Variants in TAFA5 observed in about 807,000 individuals in gnomAD.
TAFA5 encodes TAFA chemokine like family member 5, also known as chemokine-like protein TAFA-5.
TAFA5 carries 6 observed loss-of-function variants against 15.3 expected under a neutral mutation model. The ratio of observed to expected loss-of-function variants is 0.39; its 90% CI spans 0.21 to 0.77. The LOEUF is 0.77. Among genes scored for constraint, TAFA5 ranks in the 30% least tolerant of loss-of-function variants. TAFA5 has a pLI of 0.41. For synonymous variants in TAFA5, 103 were observed against 80.7 expected (o/e 1.28, Z -1.48); for missense variants, 161 against 193.1 (o/e 0.83, Z 0.98).
intron 1 of TAFA5, among the ~76,000 whole-genome samples, chr22:48,590,322 G>A (rs1288109088): frequency 6.6e-6 from 1 of 152,248 alleles, no homozygotes; most frequent in Non-Finnish European, 1.5e-5. Context: ...ACGCACCGCT[G>A]TTGGCCTGCA....
chr22:48,737,488 C>T (rs1056417919), intron 3 of TAFA5, among the ~76,000 whole-genome samples: 21 of 152,292 alleles, frequency 1.4e-4, no homozygotes, highest in African/African-American at 4.1e-4. Context: ...CTGCAGTCGC[C>T]GAGATGCTGT....
chr22:48,588,089 G>T (rs915911418), intron 1 of TAFA5, among the ~76,000 whole-genome samples: 4 of 152,216 alleles, frequency 2.6e-5, no homozygotes, highest in African/African-American at 9.6e-5. Flanking sequence ...TGGTTTGGGG[G>T]GTTGGTCCAT....
chr22:48,515,604 C>T (rs1424217857), intron 1 of TAFA5, among the ~76,000 whole-genome samples: 1 of 152,156 alleles, frequency 6.6e-6, no homozygotes, highest in Non-Finnish European at 1.5e-5. Context: ...TCTCTTTTCA[C>T]AGTGACCCCT....
At chr22:48,524,765 C>T (rs979333812) in intron 1 of TAFA5, among the ~76,000 whole-genome samples, 2 of 152,224 alleles carry the variant, frequency 1.3e-5, no homozygotes, top group South Asian at 2.1e-4. Flanking sequence ...GGCGGCCAGA[C>T]GAGGGGTTTA....
Position 48,534,379 on chromosome 22 carries a change from C to T in TAFA5, c.112+44675C>T, listed in dbSNP as rs576994824. The stretch of plus-strand genomic sequence containing the variant: ...GTAGGGCAGGCAGGTGAGATGGGGC[C>T]GGGCGTTCCTCCGGGGGTCTGCAGA... On this transcript the variant is annotated intron_variant, in intron 1 of 3. Transcript: ENST00000402357. 1.3e-4 allele frequency among the ~76,000 whole-genome samples: 20 copies of T among 152,176 alleles called. No individual in the cohort carries two copies. In the South Asian group the frequency reaches 1.5e-3, roughly 11 times the overall value.
chr22:48,612,149 A>G (rs1056418839), intron 1 of TAFA5, among the ~76,000 whole-genome samples: 2 of 152,106 alleles, frequency 1.3e-5, no homozygotes, highest in Admixed American at 6.5e-5. Flanking sequence ...CTTCCCACGG[A>G]CGGGGCTTCC....
chr22:48,557,456 G>A (rs913686590), intron 1 of TAFA5, among the ~76,000 whole-genome samples: 1 of 152,194 alleles, frequency 6.6e-6, no homozygotes, highest in African/African-American at 2.4e-5. Flanking sequence ...TGCCCTGAGC[G>A]ATGCTGGGGA....
intron 2 of TAFA5, among the ~76,000 whole-genome samples, chr22:48,663,454 C>G (rs960106108): frequency 6.6e-6 from 1 of 152,170 alleles, no homozygotes; most frequent in Admixed American, 6.5e-5. Context: ...AGCCGGCACA[C>G]GGTGACTTAG....
chr22:48,561,432 A>G (rs1251259939), intron 1 of TAFA5, among the ~76,000 whole-genome samples: 8 of 152,250 alleles, frequency 5.3e-5, no homozygotes, highest in African/African-American at 1.7e-4. Context: ...AGGAAGGCAC[A>G]TGGTGTCCTC....
At chr22:48,675,102 C>A (rs762433090) in intron 2 of TAFA5, among the ~76,000 whole-genome samples, 1 of 152,076 alleles carries the variant, frequency 6.6e-6, no homozygotes, top group Non-Finnish European at 1.5e-5. Context: ...TCACCACACA[C>A]GGCTAATTTT....
intron 1 of TAFA5, among the ~76,000 whole-genome samples, chr22:48,614,792 C>T (rs1191825500): frequency 2.0e-5 from 3 of 152,204 alleles, no homozygotes; most frequent in Non-Finnish European, 4.4e-5. Context: ...GTGCCGCACA[C>T]GTCCAGCACT....
At chr22:48,593,547 A>G (rs1043142967) in intron 1 of TAFA5, among the ~76,000 whole-genome samples, 5 of 152,022 alleles carry the variant, frequency 3.3e-5, no homozygotes, top group African/African-American at 7.2e-5. Flanking sequence ...TGGGTTGAGG[A>G]GGGCTAGTGC....
chr22:48,715,546 C>T (rs1929378243), intron 3 of TAFA5, among the ~76,000 whole-genome samples: 1 of 152,238 alleles, frequency 6.6e-6, no homozygotes, highest in Admixed American at 6.5e-5. Flanking sequence ...CTCTCCCTGG[C>T]TCTCAGCCTT....
intron 1 of TAFA5, among the ~76,000 whole-genome samples, chr22:48,553,557 C>T (rs957484770): frequency 6.6e-5 from 10 of 152,162 alleles, no homozygotes; most frequent in Non-Finnish European, 1.3e-4. Flanking sequence ...AGGGATGAGT[C>T]CTGGGGCAGG....
chr22:48,582,450 T>TA (rs1443416166), intron 1 of TAFA5, among the ~76,000 whole-genome samples: 1 of 48,448 alleles, frequency 2.1e-5, no homozygotes, highest in African/African-American at 8.3e-5. Context: ...ATACACCACA[T>TA]ACCACACACA....
intron 1 of TAFA5, chr22:48,547,128 A>G (rs981285000): frequency 6.6e-6 from 1 of 152,500 alleles, no homozygotes; most frequent in African/African-American, 2.4e-5. Flanking sequence ...AAATGATCAA[A>G]ACGTCTGATG....
intron 3 of TAFA5, among the ~76,000 whole-genome samples, chr22:48,712,387 C>A (rs1289533328): frequency 6.6e-6 from 1 of 152,190 alleles, no homozygotes. Context: ...TGCAGGCCGT[C>A]ACCCCATTAG....
At chr22:48,688,637 G>C (rs1639010272) in intron 2 of TAFA5, among the ~76,000 whole-genome samples, 1 of 152,092 alleles carries the variant, frequency 6.6e-6, no homozygotes, top group African/African-American at 2.4e-5. Context: ...TAAGCTCCTT[G>C]CTTAGCTGAA....
rs186704185 is a variant in TAFA5, at chr22:48,724,177, C to T, written c.390+16333C>T. On this transcript the variant is annotated intron_variant, in intron 3 of 3. Transcript: ENST00000402357. ...TGCATTGCTGCAAGCAGGAGAGACT[C>T]GGGGTTCTCGTTGCATTGCTGCAGC... Among the ~76,000 whole-genome samples the T allele has an allele frequency of 1.4e-3, 214 of 152,122 alleles. 3 individuals are homozygous for T. Among genetic ancestry groups the T allele is most frequent in the Admixed American group, 0.013 (195 of 15,274 alleles).
Sources: allele counts gnomAD v4.1 joint callset (sites outside exome capture counted in the v4.1 genomes callset), GRCh38; gene constraint gnomAD v4.1.1; transcripts MANE v1.5; gene names NCBI Gene and HGNC (gene_info 2026-07-23, HGNC 2026-07-21).